The following PTGFR variants were observed in gnomAD, a reference collection of about 807,000 sequenced individuals.
The protein encoded by PTGFR is prostaglandin F2-alpha receptor.
A neutral mutation model predicts 26.2 loss-of-function variants in PTGFR; 15 were observed. The observed-to-expected ratio is 0.57, with a 90% confidence interval of 0.38 to 0.88. The LOEUF is 0.88. PTGFR is among the 40% of genes least tolerant of loss of function. PTGFR has a pLI of 0.00. For missense variants in PTGFR, 369 were observed against 427.2 expected (o/e 0.86, Z 1.20); for synonymous variants, 165 against 151.1 (o/e 1.09, Z -0.68).
intron 2 of PTGFR, among the ~76,000 whole-genome samples, chr1:78,496,617 T>G (rs1348145828): frequency 6.6e-6 from 1 of 152,202 alleles, no homozygotes; most frequent in Non-Finnish European, 1.5e-5. Context: ...TGATGGTGTT[T>G]GTGCTTGACA....
At chr1:78,527,719 A>G (rs1317466815) in intron 2 of PTGFR, among the ~76,000 whole-genome samples, 1 of 152,144 alleles carries the variant, frequency 6.6e-6, no homozygotes, top group Non-Finnish European at 1.5e-5. Flanking sequence ...ATTACAGAGA[A>G]TGTTGTATGC....
intron 2 of PTGFR, among the ~76,000 whole-genome samples, chr1:78,527,392 AT>A (rs1207100625): frequency 1.3e-5 from 2 of 152,030 alleles, no homozygotes; most frequent in Non-Finnish European, 2.9e-5. Context: ...ACTTACTGCA[AT>A]TTTTTCATTA....
At chr1:78,529,403 A>G (rs565942749) in intron 2 of PTGFR, among the ~76,000 whole-genome samples, 22 of 152,286 alleles carry the variant, frequency 1.4e-4, no homozygotes, top group African/African-American at 4.8e-4. Flanking sequence ...AAAATGTCTT[A>G]TGCATCTATT....
intron 2 of PTGFR, among the ~76,000 whole-genome samples, chr1:78,535,955 A>T (rs562683913): frequency 2.0e-5 from 3 of 152,260 alleles, no homozygotes; most frequent in Admixed American, 1.3e-4. Context: ...TCTCAGAGTA[A>T]AATTTGTCAT....
At chr1:78,508,974 T>C (rs973490631) in intron 2 of PTGFR, among the ~76,000 whole-genome samples, 14 of 152,212 alleles carry the variant, frequency 9.2e-5, no homozygotes, top group African/African-American at 2.9e-4. Flanking sequence ...AAGGAACTTT[T>C]AGTGCCATTC....
At chr1:78,515,432 A>G (rs1322577182) in intron 2 of PTGFR, among the ~76,000 whole-genome samples, 3 of 152,202 alleles carry the variant, frequency 2.0e-5, no homozygotes, top group African/African-American at 7.2e-5. Context: ...TTCCTTCCAA[A>G]TTTTCTTAAA....
chr1:78,539,172 A>C lies in PTGFR; in HGVS notation c.*2485A>C, dbSNP rs1388383339. ...GGCCCTTATTTTTTTTTTTCCCTAG[A>C]GGCAGAAAGTTACTTCTAATGATCT... On this transcript the variant is annotated 3_prime_UTR_variant, in exon 3 of 3. Transcript: ENST00000370757. The C allele has an allele frequency of 6.6e-6, 1 of 151,580 alleles. No homozygotes were observed. Among genetic ancestry groups the C allele is most frequent in the African/African-American group, 2.4e-5 (1 of 41,304 alleles). The allele number at this position is 151,580 out of a possible 1,614,324, so 9.4% of individuals were successfully genotyped here. A position where few individuals can be genotyped will look rare whatever the true frequency, so the allele number is the denominator to read the frequency against.
chr1:78,538,110 T>C lies in PTGFR; in HGVS notation c.*1423T>C, dbSNP rs1557661613. ...CCAGAAGACCTTTCAGATGGTTTAT[T>C]TGCTTTCAGCAGAGAATTTATTTCA... On this transcript the variant is annotated 3_prime_UTR_variant, in exon 3 of 3. Transcript: ENST00000370757. 1 of 152,164 alleles carries C rather than the reference T, an allele frequency of 6.6e-6. No homozygotes were observed. Among genetic ancestry groups the C allele is most frequent in the Non-Finnish European group, 1.5e-5 (1 of 68,006 alleles). The allele number at this position is 152,164 out of a possible 1,614,324, so 9.4% of individuals were successfully genotyped here.
Position 78,493,022 on chromosome 1 carries a change from T to C in PTGFR, c.279T>C (p.Ala93=). The part of the protein sequence containing the change: ...INGAIAVFVY[A]SDKEWIRFDQ... The stretch of plus-strand genomic sequence containing the variant: ...GAGCCATAGCAGTATTTGTATATGC[T>C]TCTGATAAAGAATGGATCCGCTTTG... The change falls in exon 2 of 3, where the codon GCT becomes GCC. Residue 93 remains alanine (A), a synonymous_variant. Coordinates refer to ENST00000370757, the MANE Select transcript of PTGFR (RefSeq NM_000959.4). The C allele has an allele frequency of 6.2e-7, 1 of 1,614,260 alleles. No homozygotes were observed. Among genetic ancestry groups the C allele is most frequent in the Non-Finnish European group, 8.5e-7 (1 of 1,180,040 alleles).
In PTGFR at chr1:78,540,565, G is replaced by A. The variant is rs1650771713; in HGVS notation, c.*3878G>A. Among the ~76,000 whole-genome samples, 1 of 152,026 alleles carries A rather than the reference G, an allele frequency of 6.6e-6. No homozygotes were observed. The highest frequency in any genetic ancestry group is 2.4e-5 in the African/African-American group (1 of 41,410). ...TAAAAGAAATTTTAGATGACTAAAA[G>A]GACTATATAATAGAAAGAGGGAAAT... On this transcript the variant is annotated 3_prime_UTR_variant, in exon 3 of 3. Transcript: ENST00000370757.
At chr1:78,491,629 C>G (rs1157935951) in intron 1 of PTGFR, among the ~76,000 whole-genome samples, 1 of 152,160 alleles carries the variant, frequency 6.6e-6, no homozygotes, top group Non-Finnish European at 1.5e-5. Context: ...TCAGCGAGTT[C>G]GTTAGTTTGG....
At chr1:78,510,235 T>C (rs1649932640) in intron 2 of PTGFR, among the ~76,000 whole-genome samples, 1 of 152,112 alleles carries the variant, frequency 6.6e-6, no homozygotes, top group African/African-American at 2.4e-5. Context: ...CATTTTTGCA[T>C]GACTAGAAAG....
rs1013108815 is a variant in PTGFR, at chr1:78,539,174, G to A, written c.*2487G>A. The A allele has an allele frequency of 2.0e-5, 3 of 151,464 alleles. No homozygotes were observed. Among genetic ancestry groups the A allele is most frequent in the African/African-American group, 7.3e-5 (3 of 41,286 alleles). The allele number at this position is 151,464 out of a possible 1,614,324, so 9.4% of individuals were successfully genotyped here. A position where few individuals can be genotyped will look rare whatever the true frequency, so the allele number is the denominator to read the frequency against. On this transcript the variant is annotated 3_prime_UTR_variant, in exon 3 of 3. Coordinates refer to ENST00000370757, the MANE Select transcript of PTGFR (RefSeq NM_000959.4). ...CCCTTATTTTTTTTTTTCCCTAGAG[G>A]CAGAAAGTTACTTCTAATGATCTAT... is the stretch of plus-strand genomic sequence containing the variant.
At chr1:78,532,671 G>A (rs965809230) in intron 2 of PTGFR, among the ~76,000 whole-genome samples, 4 of 151,244 alleles carry the variant, frequency 2.6e-5, no homozygotes, top group African/African-American at 7.3e-5. Flanking sequence ...GGGTTCAAGC[G>A]ATTCTCGTGC....
intron 1 of PTGFR, 121 bp from the exon 2 acceptor site, chr1:78,492,551 A>C: frequency 1.8e-6 from 1 of 557,484 alleles, no homozygotes; most frequent in Non-Finnish European, 3.1e-6. Flanking sequence ...AGTATGATGC[A>C]ACCTTGCTTA....
At chr1:78,509,580 T>A (rs1204626847) in intron 2 of PTGFR, among the ~76,000 whole-genome samples, 2 of 152,190 alleles carry the variant, frequency 1.3e-5, no homozygotes, top group Admixed American at 1.3e-4. Context: ...GGTGAAAAGA[T>A]AGTTTCCGAT....
At chr1:78,528,127 T>C (rs1650416137) in intron 2 of PTGFR, among the ~76,000 whole-genome samples, 1 of 151,746 alleles carries the variant, frequency 6.6e-6, no homozygotes, top group African/African-American at 2.4e-5. Flanking sequence ...GAAAATTACA[T>C]GGGAGAGAGT....
intron 1 of PTGFR, 141 bp downstream of exon 1, chr1:78,491,377 C>A (rs1225006632): frequency 6.6e-6 from 1 of 152,476 alleles, no homozygotes; most frequent in Non-Finnish European, 1.5e-5. Flanking sequence ...ATTCCCCAAG[C>A]TAGGGAGACG....
At chr1:78,520,174 C>A (rs1001869185) in intron 2 of PTGFR, among the ~76,000 whole-genome samples, 1 of 152,008 alleles carries the variant, frequency 6.6e-6, no homozygotes, top group African/African-American at 2.4e-5. Flanking sequence ...GATCTTGAGT[C>A]TTTCACTGGT....
Sources: gnomAD v4.1 joint callset for allele counts (sites outside exome capture counted in the v4.1 genomes callset) on GRCh38, gnomAD v4.1.1 for gene constraint, MANE v1.5 for transcripts, NCBI Gene and HGNC (gene_info 2026-07-23, HGNC 2026-07-21) for gene names.